Variants in GRM7 observed in about 807,000 individuals in gnomAD.
The protein encoded by GRM7 is glutamate metabotropic receptor 7, also known as metabotropic glutamate receptor 7.
In GRM7, 35 loss-of-function variants were observed where a neutral mutation model predicts 84.5. The observed-to-expected ratio is 0.41, with a 90% confidence interval of 0.32 to 0.55. The LOEUF is 0.55. Among genes scored for constraint, GRM7 ranks in the 20% least tolerant of loss-of-function variants. The pLI, the probability that GRM7 is intolerant of heterozygous loss-of-function variation, is 0.19. For missense variants in GRM7, 1,003 were observed against 1,194.6 expected, an observed-to-expected ratio of 0.84 and a Z score of 2.36; for synonymous variants, 487 against 455.1, an observed-to-expected ratio of 1.07 and a Z score of -0.89.
At chr3:7,395,289 C>G (rs1202630559) in intron 4 of GRM7, among the ~76,000 whole-genome samples, 2 of 152,024 alleles carry the variant, frequency 1.3e-5, no homozygotes, top group African/African-American at 2.4e-5. Flanking sequence ...TATGATGATT[C>G]ACATGTATCT....
rs574878290 is a variant in GRM7 at position 7,281,224 on chromosome 3, G to A, written c.737-17460G>A. Among the ~76,000 whole-genome samples the A allele has an allele frequency of 5.3e-5, 8 of 152,214 alleles. No homozygotes were observed. The East Asian group carries it at 1.4e-3, about 26-fold the overall frequency. On this transcript the variant is annotated intron_variant, in intron 2 of 9. Coordinates refer to ENST00000357716, the MANE Select transcript of GRM7 (RefSeq NM_000844.4). ...AATATCATTTGAAAGAGAGAACAAG[G>A]CAGAAATTTCCAGATTCTTTTTTTA...
At chr3:7,034,554 C>A (rs760549162) in intron 1 of GRM7, among the ~76,000 whole-genome samples, 4 of 152,182 alleles carry the variant, frequency 2.6e-5, no homozygotes, top group Non-Finnish European at 5.9e-5. Flanking sequence ...TACGTACACA[C>A]ATACATGTGA....
chr3:7,004,466 G>A (rs1325637635), intron 1 of GRM7, among the ~76,000 whole-genome samples: 1 of 152,106 alleles, frequency 6.6e-6, no homozygotes, highest in Non-Finnish European at 1.5e-5. Context: ...GTTATGATTA[G>A]TGAGAAACTT....
intron 8 of GRM7, among the ~76,000 whole-genome samples, chr3:7,588,488 G>T (rs1015057315): frequency 1.3e-5 from 2 of 152,186 alleles, no homozygotes; most frequent in Non-Finnish European, 2.9e-5. Context: ...CAAATAAATA[G>T]GTATCTAATT....
At chr3:7,717,875 A>G (rs917993579) in intron 9 of GRM7, among the ~76,000 whole-genome samples, 6 of 152,226 alleles carry the variant, frequency 3.9e-5, no homozygotes, top group African/African-American at 7.2e-5. Flanking sequence ...AGAATCACTC[A>G]CTGTGGCATC....
chr3:7,221,925 G>A (rs1439071155), intron 2 of GRM7, among the ~76,000 whole-genome samples: 2 of 149,566 alleles, frequency 1.3e-5, no homozygotes, highest in Non-Finnish European at 3.0e-5. Context: ...TCCTGGCTCA[G>A]CCTCCCAAGT....
rs576236681 is a variant in GRM7, at chr3:7,047,133, GT to G, written c.520-99309del. On this transcript the variant is annotated intron_variant, in intron 1 of 9. Transcript: ENST00000357716. ...ATGAGTCAAATCTGCCCCACTACCT[GT>G]TTTTTTTTTAATAAAGTTTGTTGGA... Among the ~76,000 whole-genome samples, 317 of 147,764 alleles carry G rather than the reference GT, an allele frequency of 2.1e-3. 1 individual carries two copies. Among genetic ancestry groups the G allele is most frequent in the African/African-American group, 6.8e-3 (274 of 40,344 alleles).
At chr3:7,565,962 A>C (rs1310045611) in intron 7 of GRM7, among the ~76,000 whole-genome samples, 1 of 152,228 alleles carries the variant, frequency 6.6e-6, no homozygotes. Context: ...ATAAACTGAC[A>C]TAAGTTGTTG....
intron 5 of GRM7, among the ~76,000 whole-genome samples, chr3:7,444,127 T>C (rs1332498036): frequency 6.6e-6 from 1 of 152,168 alleles, no homozygotes; most frequent in Non-Finnish European, 1.5e-5. Flanking sequence ...GGCTTCTTAA[T>C]GCATTTGTGA....
intron 7 of GRM7, among the ~76,000 whole-genome samples, chr3:7,574,362 G>A (rs987764636): frequency 6.6e-6 from 1 of 152,116 alleles, no homozygotes; most frequent in Non-Finnish European, 1.5e-5. Flanking sequence ...GTTTCACTAT[G>A]TTGGCCAGGC....
intron 1 of GRM7, among the ~76,000 whole-genome samples, chr3:6,921,273 G>A (rs1474562819): frequency 1.3e-5 from 2 of 152,164 alleles, no homozygotes; most frequent in Non-Finnish European, 2.9e-5. Flanking sequence ...GAGGAGAGAT[G>A]GGGGTAGGTG....
chr3:7,705,831 T>C (rs572445491), intron 9 of GRM7, among the ~76,000 whole-genome samples: 131 of 152,284 alleles, frequency 8.6e-4, no homozygotes, highest in Non-Finnish European at 1.4e-3. Flanking sequence ...TCTAAGAGCA[T>C]TGGGAGGACA....
intron 2 of GRM7, among the ~76,000 whole-genome samples, chr3:7,165,576 A>G (rs925357514): frequency 3.3e-5 from 5 of 152,360 alleles, no homozygotes; most frequent in Non-Finnish European, 7.3e-5. Flanking sequence ...TGGTATTGCC[A>G]TATATATTGA....
chr3:7,690,258 G>C (rs1451670257), intron 9 of GRM7, among the ~76,000 whole-genome samples: 2 of 152,124 alleles, frequency 1.3e-5, no homozygotes, highest in Admixed American at 6.6e-5. Flanking sequence ...AAGTACAAAG[G>C]CTAGTAAGTA....
chr3:7,000,977 T>G (rs1412389072), intron 1 of GRM7, among the ~76,000 whole-genome samples: 1 of 152,176 alleles, frequency 6.6e-6, no homozygotes, highest in East Asian at 1.9e-4. Flanking sequence ...AAAAATATAG[T>G]ATGCTTGAAT....
intron 4 of GRM7, among the ~76,000 whole-genome samples, chr3:7,323,050 T>A (rs750519329): frequency 2.6e-5 from 4 of 152,134 alleles, no homozygotes; most frequent in Non-Finnish European, 5.9e-5. Context: ...GGAGTCTCGC[T>A]TCCCCCTGAA....
chr3:7,516,476 CAAAAAAA>C (rs34508559), intron 7 of GRM7, among the ~76,000 whole-genome samples: 1,165 of 42,362 alleles, frequency 0.028, 4 homozygotes, highest in African/African-American at 0.065. Context: ...GACTCCCTCT[CAAAAAAA>C]AAAAAAAAAA....
intron 5 of GRM7, among the ~76,000 whole-genome samples, chr3:7,446,449 T>C: frequency 7.9e-6 from 1 of 126,108 alleles, no homozygotes; most frequent in Admixed American, 7.8e-5. Context: ...TTTTTGGTCT[T>C]GTTTTTTTTT....
intron 1 of GRM7, among the ~76,000 whole-genome samples, chr3:6,930,910 C>T (rs1013889426): frequency 1.3e-5 from 2 of 152,178 alleles, no homozygotes; most frequent in African/African-American, 4.8e-5. Flanking sequence ...ATGCTTCCCA[C>T]CTGGTCATTT....
Sources: allele counts gnomAD v4.1 joint callset (sites outside exome capture counted in the v4.1 genomes callset), GRCh38; gene constraint gnomAD v4.1.1; transcripts MANE v1.5; gene names NCBI Gene and HGNC (gene_info 2026-07-23, HGNC 2026-07-21).